GPRIN3: variants seen among roughly 807,000 people sequenced by gnomAD.
GPRIN3 encodes the protein GPRIN family member 3.
GPRIN3 carries 12 observed loss-of-function variants against 13.7 expected under a neutral mutation model. The observed-to-expected ratio is 0.87, with a 90% CI of 0.56 to 1.42. The LOEUF is 1.42. GPRIN3 is among the 40% of genes most tolerant of loss of function. The probability of loss-of-function intolerance (pLI) is 0.00; values close to 1 mark genes in which losing one functional copy is unlikely to be tolerated. For missense variants in GPRIN3, 1,009 were observed against 958.7 expected (o/e 1.05, Z -0.69); for synonymous variants, 377 against 372.7 (o/e 1.01, Z -0.13).
chr4:89,270,713 C>T (rs112099838), intron 1 of GPRIN3, among the ~76,000 whole-genome samples: 7 of 150,632 alleles, frequency 4.6e-5, no homozygotes, highest in Admixed American at 4.0e-4. Context: ...TAATTCTTTT[C>T]GTATTTGAAG....
intron 1 of GPRIN3, among the ~76,000 whole-genome samples, chr4:89,289,035 A>T (rs1724500027): frequency 6.6e-6 from 1 of 151,536 alleles, no homozygotes; most frequent in Admixed American, 6.6e-5. Context: ...CTTTCAGATC[A>T]TCCCTTTGTA....
chr4:89,289,230 T>G (rs932154290), intron 1 of GPRIN3, among the ~76,000 whole-genome samples: 1 of 151,424 alleles, frequency 6.6e-6, no homozygotes, highest in Admixed American at 6.6e-5. Flanking sequence ...CGTCTTCTAT[T>G]ACATAATAAG....
At chr4:89,262,709 T>C (rs1723667551) in intron 1 of GPRIN3, among the ~76,000 whole-genome samples, 1 of 152,222 alleles carries the variant, frequency 6.6e-6, no homozygotes. Context: ...AGCTGAGAAA[T>C]GCTTTTTAAA....
chr4:89,273,370 A>T (rs949775206), intron 1 of GPRIN3, among the ~76,000 whole-genome samples: 4 of 152,234 alleles, frequency 2.6e-5, no homozygotes, highest in African/African-American at 9.6e-5. Context: ...TAATTGCTAG[A>T]ACATAAACTA....
rs574069538 is a variant in GPRIN3, at chr4:89,244,964, A to C, written c.*2816T>G. The C allele has an allele frequency of 6.6e-6, 1 of 152,344 alleles. No individual in the cohort carries two copies. Among genetic ancestry groups the C allele is most frequent in the Admixed American group, 6.5e-5 (1 of 15,306 alleles). 9.4% of individuals were successfully genotyped at this position (152,344 alleles called of 1,614,324 possible). A position where few individuals can be genotyped will look rare whatever the true frequency, so the allele number is the denominator to read the frequency against. On this transcript the variant is annotated 3_prime_UTR_variant, in exon 2 of 2. Coordinates refer to ENST00000609438, the MANE Select transcript of GPRIN3 (RefSeq NM_198281.3). ...GTGTCATGCAGGTAAAGTAAGGAAA[A>C]AACTGAGCAAGTTCCAAGAGTCTAC...
intron 1 of GPRIN3, among the ~76,000 whole-genome samples, chr4:89,305,495 A>C (rs1725009307): frequency 6.6e-6 from 1 of 152,198 alleles, no homozygotes; most frequent in African/African-American, 2.4e-5. Flanking sequence ...TTCATGAAAA[A>C]GTGAATGAAT....
At position 89,258,794 on chromosome 4, in the gene GPRIN3, G is replaced by C. The variant is rs531992364; in HGVS notation, c.-123-8561C>G. Among the ~76,000 whole-genome samples, 49 of 152,248 alleles carry C rather than the reference G, an allele frequency of 3.2e-4. 1 individual carries two copies. Among genetic ancestry groups the C allele is most frequent in the Middle Eastern group, 3.4e-3 (1 of 294 alleles). ...TAGTCACTATGCCAAGGCGCCCTACGTCGGGGTAGTTTCTGAGCCCTGTCA... is the reference window on the plus strand; with the variant it reads ...TAGTCACTATGCCAAGGCGCCCTACCTCGGGGTAGTTTCTGAGCCCTGTCA... On this transcript the variant is annotated intron_variant, in intron 1 of 1. Coordinates refer to ENST00000609438, the MANE Select transcript of GPRIN3 (RefSeq NM_198281.3).
At chr4:89,284,294 C>T (rs560391601) in intron 1 of GPRIN3, among the ~76,000 whole-genome samples, 6 of 152,290 alleles carry the variant, frequency 3.9e-5, no homozygotes, top group African/African-American at 1.4e-4. Context: ...GGACTGCCAG[C>T]CATTCAGAAT....
rs1294230638 is a variant in GPRIN3 at position 89,239,372 on chromosome 4, T to C, written c.*8408A>G. The C allele has an allele frequency of 6.6e-6, 1 of 152,178 alleles. No individual in the cohort carries two copies. The highest frequency in any genetic ancestry group is 2.4e-5 in the African/African-American group (1 of 41,460). 9.4% of individuals were successfully genotyped at this position (152,178 alleles called of 1,614,324 possible). A position where few individuals can be genotyped will look rare whatever the true frequency, so the allele number is the denominator to read the frequency against. On this transcript the variant is annotated 3_prime_UTR_variant, in exon 2 of 2. Coordinates refer to ENST00000609438, the MANE Select transcript of GPRIN3 (RefSeq NM_198281.3). ...CATCTTTCAAAAATAATCACATAAA[T>C]TTATCTTTGAAGCAACCATAAGTAT...
At chr4:89,281,128 GTT>G (rs869122962) in intron 1 of GPRIN3, among the ~76,000 whole-genome samples, 4 of 143,514 alleles carry the variant, frequency 2.8e-5, no homozygotes, top group Non-Finnish European at 1.5e-5. Context: ...ATAGTTTCAT[GTT>G]TTTTTTTTTT....
At chr4:89,254,780 T>C (rs565854028) in intron 1 of GPRIN3, among the ~76,000 whole-genome samples, 1 of 152,330 alleles carries the variant, frequency 6.6e-6, no homozygotes, top group Admixed American at 6.5e-5. Flanking sequence ...GTTCTGTTTT[T>C]AGGTCTTTGA....
chr4:89,259,854 T>C (rs1723577996), intron 1 of GPRIN3, among the ~76,000 whole-genome samples: 1 of 152,228 alleles, frequency 6.6e-6, no homozygotes, highest in African/African-American at 2.4e-5. Flanking sequence ...ATTGGTAATT[T>C]CTGCTTTTAG....
chr4:89,266,051 T>C (rs1227341991), intron 1 of GPRIN3, among the ~76,000 whole-genome samples: 4 of 152,176 alleles, frequency 2.6e-5, no homozygotes, highest in African/African-American at 9.7e-5. Context: ...TCAGTTGTTG[T>C]AAGGGTGGGG....
chr4:89,281,117 C>T (rs1217590694), intron 1 of GPRIN3, among the ~76,000 whole-genome samples: 1 of 151,446 alleles, frequency 6.6e-6, no homozygotes. Flanking sequence ...CAAGGTCCCA[C>T]ATAGTTTCAT....
At chr4:89,265,113 G>A (rs1723747664) in intron 1 of GPRIN3, among the ~76,000 whole-genome samples, 2 of 152,090 alleles carry the variant, frequency 1.3e-5, no homozygotes, top group Admixed American at 1.3e-4. Flanking sequence ...TTTTCTCTAA[G>A]GACATATATA....
chr4:89,293,966 A>C (rs1578113125), intron 1 of GPRIN3, among the ~76,000 whole-genome samples: 1 of 152,208 alleles, frequency 6.6e-6, no homozygotes, highest in African/African-American at 2.4e-5. Context: ...TATTGTCAAA[A>C]GAAATAGTAC....
intron 1 of GPRIN3, among the ~76,000 whole-genome samples, chr4:89,277,824 G>A (rs938162528): frequency 6.6e-6 from 1 of 152,118 alleles, no homozygotes; most frequent in African/African-American, 2.4e-5. Context: ...ACATGTGCAG[G>A]TTTCTTCCTT....
chr4:89,293,855 T>C (rs1383313155), intron 1 of GPRIN3, among the ~76,000 whole-genome samples: 1 of 152,242 alleles, frequency 6.6e-6, no homozygotes, highest in African/African-American at 2.4e-5. Flanking sequence ...GTGGTTCTGC[T>C]TTTCTAAGTG....
chr4:89,267,163 A>G (rs1215023079), intron 1 of GPRIN3, among the ~76,000 whole-genome samples: 3 of 152,190 alleles, frequency 2.0e-5, no homozygotes, highest in Non-Finnish European at 4.4e-5. Flanking sequence ...CACTGGGAAA[A>G]CAAGATTCCT....
Sources: gnomAD v4.1 joint callset for allele counts (sites outside exome capture counted in the v4.1 genomes callset) on GRCh38, gnomAD v4.1.1 for gene constraint, MANE v1.5 for transcripts, NCBI Gene and HGNC (gene_info 2026-07-23, HGNC 2026-07-21) for gene names.